ROBO2: variants seen among roughly 807,000 people sequenced by gnomAD.
ROBO2 encodes the protein roundabout guidance receptor 2, also known as roundabout homolog 2.
Under a neutral mutation model 160.8 loss-of-function variants are expected in ROBO2, and 53 were observed. The ratio of observed to expected loss-of-function variants is 0.33; its 90% CI spans 0.26 to 0.41. The LOEUF is 0.41. Among genes scored for constraint, ROBO2 ranks in the 10% least tolerant of loss-of-function variants. The probability of loss-of-function intolerance (pLI) is 1.00; values close to 1 mark genes in which losing one functional copy is unlikely to be tolerated. For missense variants in ROBO2, 1,577 were observed against 1,722.4 expected (o/e 0.92, Z 1.49); for synonymous variants, 664 against 611.7 (o/e 1.09, Z -1.26).
rs953330916 is a variant in ROBO2 at position 76,841,945 on chromosome 3, G to A, written c.110-256069G>A. Among the ~76,000 whole-genome samples the A allele has an allele frequency of 3.3e-5, 5 of 152,222 alleles. No individual in the cohort carries two copies. The East Asian group carries it at 9.7e-4, about 29-fold the overall frequency. The stretch of plus-strand genomic sequence containing the variant: ...CTGTCAACAGGGAGACCAGCATAAG[G>A]GCAATCTGATAGTCAAAACAGGATA... On this transcript the variant is annotated intron_variant, in intron 2 of 26. Transcript: ENST00000487694.
intron 2 of ROBO2, among the ~76,000 whole-genome samples, chr3:76,859,779 T>C (rs906559663): frequency 6.6e-6 from 1 of 152,170 alleles, no homozygotes; most frequent in Non-Finnish European, 1.5e-5. Context: ...CATATGGCAG[T>C]TAACCATTCT....
At chr3:75,976,797 TAAAAGGGAGAGAA>T (rs1342851048) in intron 2 of ROBO2, among the ~76,000 whole-genome samples, 24 of 151,344 alleles carry the variant, frequency 1.6e-4, no homozygotes, top group African/African-American at 5.6e-4. Context: ...TCGGAGGAAA[TAAAAGGGAGAGAA>T]ATCCACTTAT....
At chr3:76,160,077 C>T (rs1188522844) in intron 2 of ROBO2, among the ~76,000 whole-genome samples, 1 of 152,144 alleles carries the variant, frequency 6.6e-6, no homozygotes, top group East Asian at 1.9e-4. Context: ...TCTTAAAACA[C>T]TCTCATAATA....
chr3:76,108,630 A>ATAGT (rs1559557931), intron 2 of ROBO2, among the ~76,000 whole-genome samples: 3 of 151,774 alleles, frequency 2.0e-5, no homozygotes, highest in African/African-American at 7.2e-5. Flanking sequence ...TCAATTCTTC[A>ATAGT]TAGTTAATGA....
chr3:76,106,467 A>G (rs576982605), intron 2 of ROBO2, among the ~76,000 whole-genome samples: 3 of 152,056 alleles, frequency 2.0e-5, no homozygotes, highest in Non-Finnish European at 4.4e-5. Flanking sequence ...ACTTTTACAT[A>G]TTTGCTTGGA....
chr3:77,215,799 G>A (rs886904632), intron 2 of ROBO2, among the ~76,000 whole-genome samples: 1 of 152,198 alleles, frequency 6.6e-6, no homozygotes, highest in Non-Finnish European at 1.5e-5. Context: ...TCTTCTAACA[G>A]TCAGGACCCT....
chr3:75,947,085 G>A (rs907797286), intron 2 of ROBO2, among the ~76,000 whole-genome samples: 16 of 152,096 alleles, frequency 1.1e-4, no homozygotes, highest in Non-Finnish European at 1.5e-4. Context: ...TTATACCAAG[G>A]TATTTGGATT....
chr3:76,595,194 G>A (rs1027335321), intron 2 of ROBO2, among the ~76,000 whole-genome samples: 2 of 151,906 alleles, frequency 1.3e-5, no homozygotes, highest in Non-Finnish European at 2.9e-5. Context: ...AATATCTGTG[G>A]TATTCTGTCA....
chr3:75,983,504 C>T (rs1034292194), intron 2 of ROBO2, among the ~76,000 whole-genome samples: 3 of 151,376 alleles, frequency 2.0e-5, no homozygotes, highest in African/African-American at 4.8e-5. Flanking sequence ...ACTAACTGTA[C>T]AGTCAGAAGT....
Position 77,112,941 on chromosome 3 carries a change from A to G in ROBO2, c.388+14601A>G, listed in dbSNP as rs988370415. 1.4e-4 allele frequency among the ~76,000 whole-genome samples: 22 copies of G among 152,230 alleles called. 1 individual carries two copies. Among genetic ancestry groups the G allele is most frequent in the African/African-American group, 4.6e-4 (19 of 41,462 alleles). On this transcript the variant is annotated intron_variant, in intron 2 of 25. Coordinates refer to ENST00000461745, the Ensembl canonical transcript of ROBO2. ...AAAACTGAATCTCCAGGATAATGAA[A>G]CAAGGTAACAAGACAGTTCTGATGC...
intron 2 of ROBO2, among the ~76,000 whole-genome samples, chr3:76,717,523 C>T (rs2093400773): frequency 1.3e-5 from 2 of 151,808 alleles, no homozygotes; most frequent in South Asian, 2.1e-4. Flanking sequence ...AGAAAAGCCC[C>T]ACTATCAACC....
intron 2 of ROBO2, among the ~76,000 whole-genome samples, chr3:77,222,855 T>C (rs1242727560): frequency 6.6e-6 from 1 of 152,202 alleles, no homozygotes; most frequent in African/African-American, 2.4e-5. Context: ...GAAGACCCAT[T>C]AAAAAGCAGA....
intron 2 of ROBO2, among the ~76,000 whole-genome samples, chr3:76,662,297 G>A (rs2091857327): frequency 1.3e-5 from 2 of 152,096 alleles, no homozygotes; most frequent in South Asian, 4.2e-4. Flanking sequence ...AACTGACCAT[G>A]TTACCATAGG....
At chr3:76,206,770 G>T (rs919824643) in intron 2 of ROBO2, among the ~76,000 whole-genome samples, 1 of 152,058 alleles carries the variant, frequency 6.6e-6, no homozygotes. Flanking sequence ...TTATAAAAGG[G>T]GATTCTAATA....
chr3:77,306,263 TA>T (rs2063084451), intron 2 of ROBO2, among the ~76,000 whole-genome samples: 2 of 152,134 alleles, frequency 1.3e-5, no homozygotes. Flanking sequence ...CTAATTGGAT[TA>T]AAAACTCCCT....
intron 2 of ROBO2, among the ~76,000 whole-genome samples, chr3:75,954,075 A>C (rs1273805890): frequency 6.6e-6 from 1 of 151,784 alleles, no homozygotes; most frequent in Non-Finnish European, 1.5e-5. Context: ...TGTGTACCCC[A>C]ACCCCCTTCC....
chr3:77,452,975 A>G (rs2081273497), intron 2 of ROBO2, among the ~76,000 whole-genome samples: 1 of 152,070 alleles, frequency 6.6e-6, no homozygotes, highest in Non-Finnish European at 1.5e-5. Context: ...CATCTCCTCA[A>G]GTAGTGTCTT....
At chr3:77,543,182 T>C (rs1031222705) in intron 6 of ROBO2, among the ~76,000 whole-genome samples, 2 of 152,098 alleles carry the variant, frequency 1.3e-5, no homozygotes, top group East Asian at 1.9e-4. Context: ...CATGGCCTGA[T>C]TGGTTCTGTT....
chr3:76,369,873 C>A (rs1209429483), intron 2 of ROBO2, among the ~76,000 whole-genome samples: 3 of 151,990 alleles, frequency 2.0e-5, no homozygotes, highest in African/African-American at 7.2e-5. Context: ...ACTTGTTTCT[C>A]TACCTAGACT....
Sources: gnomAD v4.1 joint callset for allele counts (sites outside exome capture counted in the v4.1 genomes callset) on GRCh38, gnomAD v4.1.1 for gene constraint, MANE v1.5 for transcripts, NCBI Gene and HGNC (gene_info 2026-07-23, HGNC 2026-07-21) for gene names.